ZFHX3: variants seen among roughly 807,000 people sequenced by gnomAD.
ZFHX3 encodes zinc finger homeobox protein 3.
A neutral mutation model predicts 279.1 loss-of-function variants in ZFHX3; 42 were observed. The observed-to-expected ratio is 0.15, with a 90% CI of 0.12 to 0.19. The LOEUF (loss-of-function observed/expected upper bound fraction) is 0.19, where lower values mean the gene tolerates loss of function less well. ZFHX3 is among the 10% of genes least tolerant of loss of function. The probability of loss-of-function intolerance (pLI) is 1.00; values close to 1 mark genes in which losing one functional copy is unlikely to be tolerated. For synonymous variants in ZFHX3, 2,293 were observed against 1,957.8 expected, an observed-to-expected ratio of 1.17 and a Z score of -4.52; for missense variants, 4,981 against 4,754.0, an observed-to-expected ratio of 1.05 and a Z score of -1.40.
chr16:73,540,049 T>A (rs1264349551), intron 2 of ZFHX3, among the ~76,000 whole-genome samples: 1 of 152,216 alleles, frequency 6.6e-6, no homozygotes, highest in Non-Finnish European at 1.5e-5. Context: ...TACGCTGCCA[T>A]AAGCTATATA....
rs570649066 is a variant in ZFHX3 at position 73,406,606 on chromosome 16, C to G, written c.-1291+49397G>C. ...TAACATTTGTTACATAGATACTTAG[C>G]TACAGATTCAGAGCCAGATGGGCAC... On this transcript the variant is annotated intron_variant, in intron 3 of 17. Coordinates refer to the ZFHX3 transcript ENST00000641206. Among the ~76,000 whole-genome samples the G allele has an allele frequency of 7.2e-5, 11 of 152,334 alleles. No individual in the cohort carries two copies. In the South Asian group the frequency reaches 1.9e-3, roughly 26 times the overall value.
intron 4 of ZFHX3, among the ~76,000 whole-genome samples, chr16:73,308,268 TA>T (rs1567446278): frequency 4.1e-4 from 34 of 82,080 alleles, no homozygotes; most frequent in East Asian, 1.8e-3. Context: ...TATATATATA[TA>T]TATATATATT....
At position 72,795,665 on chromosome 16, in the gene ZFHX3, G is replaced by T. The variant is rs370849952; in HGVS notation, c.7017C>A (p.Arg2339=). 1.9e-6 allele frequency: 3 copies of T among 1,613,964 alleles called. No homozygotes were observed. The African/African-American group carries it at 4.0e-5, about 22-fold the overall frequency. ...TCTGGTGCTTGATGAGATCAAAGATGCGCTGAAACACCAGGCTACATTTTT... is the reference window on the plus strand; with the variant it reads ...TCTGGTGCTTGATGAGATCAAAGATTCGCTGAAACACCAGGCTACATTTTT... ...QCKKCSLVFQ[R]IFDLIKHQKK... The change falls in exon 9 of 10, where the codon CGC becomes CGA. Residue 2339 remains arginine (R), a synonymous_variant. Transcript: ENST00000268489.
At chr16:73,762,678 G>C (rs887758872) in intron 1 of ZFHX3, among the ~76,000 whole-genome samples, 4 of 152,112 alleles carry the variant, frequency 2.6e-5, no homozygotes, top group African/African-American at 9.7e-5. Flanking sequence ...CCTTTGCAGG[G>C]ACATGGATGG....
intron 3 of ZFHX3, among the ~76,000 whole-genome samples, chr16:73,395,805 G>A (rs931365243): frequency 1.3e-5 from 2 of 151,882 alleles, no homozygotes; most frequent in Non-Finnish European, 2.9e-5. Flanking sequence ...AACTCCCCAG[G>A]GATGGTATAC....
chr16:73,135,417 G>A (rs898080888), intron 6 of ZFHX3, among the ~76,000 whole-genome samples: 4 of 152,150 alleles, frequency 2.6e-5, no homozygotes, highest in Admixed American at 6.6e-5. Flanking sequence ...ATTTTCTTTC[G>A]TGGATGGGAA....
At chr16:72,883,959 G>A (rs543959645) in intron 4 of ZFHX3, among the ~76,000 whole-genome samples, 1 of 151,802 alleles carries the variant, frequency 6.6e-6, no homozygotes, top group East Asian at 1.9e-4. Flanking sequence ...TTCAGAGCTG[G>A]CCACAACATA....
chr16:73,097,737 C>T (rs531047141), intron 7 of ZFHX3, among the ~76,000 whole-genome samples: 3 of 152,242 alleles, frequency 2.0e-5, no homozygotes, highest in African/African-American at 7.2e-5. Context: ...TTCCCCGTCC[C>T]CGTGGCCCCT....
At chr16:72,853,826 G>C (rs546424340) in intron 4 of ZFHX3, among the ~76,000 whole-genome samples, 3 of 152,210 alleles carry the variant, frequency 2.0e-5, no homozygotes, top group South Asian at 2.1e-4. Context: ...AATCCAAAGA[G>C]AGGAAGCAGA....
At chr16:73,012,954 T>A (rs1663486644) in intron 1 of ZFHX3, among the ~76,000 whole-genome samples, 1 of 152,216 alleles carries the variant, frequency 6.6e-6, no homozygotes, top group Non-Finnish European at 1.5e-5. Context: ...CCATGCTGGT[T>A]CTAGAAACAT....
intron 2 of ZFHX3, among the ~76,000 whole-genome samples, chr16:73,611,981 A>C (rs942925605): frequency 2.0e-5 from 3 of 152,212 alleles, no homozygotes; most frequent in Non-Finnish European, 4.4e-5. Context: ...CACACTGTAA[A>C]ATAATTCTGT....
intron 4 of ZFHX3, among the ~76,000 whole-genome samples, chr16:73,271,020 TAAG>T (rs1238664088): frequency 6.6e-6 from 1 of 152,236 alleles, no homozygotes; most frequent in Non-Finnish European, 1.5e-5. Flanking sequence ...TGTTTTTCAT[TAAG>T]AAGTTCTCAC....
At chr16:73,031,503 C>G (rs150899400) in intron 1 of ZFHX3, among the ~76,000 whole-genome samples, 12 of 152,148 alleles carry the variant, frequency 7.9e-5, no homozygotes, top group Non-Finnish European at 1.6e-4. Flanking sequence ...TTTTGATGAT[C>G]CATTTTGGTC....
At position 73,728,246 on chromosome 16, in the gene ZFHX3, A is replaced by G. The variant is rs1407791176; in HGVS notation, c.-1607-48006T>C. ...TGGGCATAGACAGAGGAAAGACCAC[A>G]TGAGCCAGAGAGAGGTGCCTGTGTG... On this transcript the variant is annotated intron_variant, in intron 1 of 17. Transcript: ENST00000641206. Among the ~76,000 whole-genome samples, 8 of 152,134 alleles carry G rather than the reference A, an allele frequency of 5.3e-5. No homozygotes were observed. The East Asian group carries it at 1.4e-3, about 26-fold the overall frequency.
chr16:73,278,598 G>T (rs2014370114), intron 4 of ZFHX3, among the ~76,000 whole-genome samples: 1 of 152,200 alleles, frequency 6.6e-6, no homozygotes, highest in South Asian at 2.1e-4. Flanking sequence ...GCTGGCTGGG[G>T]TGGCCAGCTT....
intron 3 of ZFHX3, among the ~76,000 whole-genome samples, chr16:73,329,388 GA>G (rs1485087001): frequency 6.6e-6 from 1 of 152,248 alleles, no homozygotes; most frequent in African/African-American, 2.4e-5. Flanking sequence ...TTCACTCAAT[GA>G]TGGAGTTGTT....
At chr16:73,383,629 C>T (rs1388708350) in intron 3 of ZFHX3, among the ~76,000 whole-genome samples, 2 of 147,586 alleles carry the variant, frequency 1.4e-5, no homozygotes, top group South Asian at 2.1e-4. Context: ...CTCTGTTTCC[C>T]GAAATCCCTT....
At chr16:73,413,078 G>C (rs182617677) in intron 3 of ZFHX3, among the ~76,000 whole-genome samples, 7 of 152,292 alleles carry the variant, frequency 4.6e-5, no homozygotes, top group Admixed American at 1.3e-4. Context: ...GTGGAAATGG[G>C]GCAAATAGAT....
chr16:73,569,716 T>A (rs551244481), intron 2 of ZFHX3, among the ~76,000 whole-genome samples: 1 of 152,348 alleles, frequency 6.6e-6, no homozygotes, highest in Non-Finnish European at 1.5e-5. Flanking sequence ...GCATTATGTA[T>A]TCTGAAATTA....
Sources: gnomAD v4.1 joint callset for allele counts (sites outside exome capture counted in the v4.1 genomes callset) on GRCh38, gnomAD v4.1.1 for gene constraint, MANE v1.5 for transcripts, NCBI Gene and HGNC (gene_info 2026-07-23, HGNC 2026-07-21) for gene names.